TFIP11: variants seen among roughly 807,000 people sequenced by gnomAD.
TFIP11 encodes tuftelin interacting protein 11.
Under a neutral mutation model 96.8 loss-of-function variants are expected in TFIP11, and 86 were observed. The observed-to-expected ratio is 0.89, with a 90% CI of 0.75 to 1.06. The LOEUF (loss-of-function observed/expected upper bound fraction) is 1.06, where lower values mean the gene tolerates loss of function less well. TFIP11 is among the 50% of genes least tolerant of loss of function. TFIP11 has a pLI of 0.00. For missense variants in TFIP11, 881 were observed against 1,076.7 expected (o/e 0.82, Z 2.54); for synonymous variants, 405 against 395.2 (o/e 1.02, Z -0.29).
At chr22:26,496,555 G>A (rs916732755) in intron 11 of TFIP11, among the ~76,000 whole-genome samples, 166 bp downstream of exon 11, 1 of 152,058 alleles carries the variant, frequency 6.6e-6, no homozygotes, top group Non-Finnish European at 1.5e-5. Flanking sequence ...TGGCTTGGGG[G>A]AAAAAGTGCT....
Position 26,498,865 on chromosome 22 carries a change from G to A in TFIP11, c.1436+4C>T, listed in dbSNP as rs773756233. On this transcript the variant is annotated splice_donor_region_variant and intron_variant, in intron 10 of 14. Transcript: ENST00000407690. Reference sequence around the variant, plus strand: ...GGGGTACAGAGCCCTGCTCTGTGGTGTACCTGTGAAAGGCATCTGCTGAGA... The same window carrying A: ...GGGGTACAGAGCCCTGCTCTGTGGTATACCTGTGAAAGGCATCTGCTGAGA... 1.6e-5 allele frequency: 25 copies of A among 1,612,164 alleles called. No individual in the cohort carries two copies. The South Asian group carries it at 2.4e-4, about 16-fold the overall frequency.
intron 12 of TFIP11, among the ~76,000 whole-genome samples, chr22:26,495,851 C>T (rs1921946862): frequency 6.6e-6 from 1 of 152,106 alleles, no homozygotes; most frequent in Admixed American, 6.5e-5. Flanking sequence ...CCGATATTGT[C>T]ACTGTCGACT....
chr22:26,511,528 G>A (rs990899464), intron 2 of TFIP11, among the ~76,000 whole-genome samples: 1 of 152,184 alleles, frequency 6.6e-6, no homozygotes. Context: ...TTAGCAAAGT[G>A]ACTGTAAAAT....
chr22:26,495,150 C>T (rs1921766960), intron 12 of TFIP11, among the ~76,000 whole-genome samples: 1 of 150,964 alleles, frequency 6.6e-6, no homozygotes, highest in Non-Finnish European at 1.5e-5. Flanking sequence ...TTATTAGAGA[C>T]AGCGTTTTGG....
intron 11 of TFIP11, 56 bp downstream of exon 11, chr22:26,496,665 C>T: frequency 1.3e-6 from 2 of 1,586,446 alleles, no homozygotes; most frequent in Non-Finnish European, 1.7e-6. Context: ...AAGCCACAGA[C>T]TGAACAAGTC....
chr22:26,509,927 C>G, intron 4 of TFIP11, 137 bp downstream of exon 4: 1 of 805,568 alleles, frequency 1.2e-6, no homozygotes. Context: ...AACCAGACCT[C>G]TCGAGATGAT....
rs539690477 is a variant in TFIP11 at position 26,506,606 on chromosome 22, A to G, written c.364-147T>C. ...CCAAAAATGTGTGTGATAACGTGTCAGGAAGGAAGAGACTGCACTACACAC... is the reference window on the plus strand; with the variant it reads ...CCAAAAATGTGTGTGATAACGTGTCGGGAAGGAAGAGACTGCACTACACAC... On this transcript the variant is annotated intron_variant, in intron 5 of 14. Transcript: ENST00000407690. The G allele has an allele frequency of 2.3e-6, 3 of 1,286,014 alleles. No homozygotes were observed. The East Asian group carries it at 7.3e-5, about 31-fold the overall frequency. The allele number at this position is 1,286,014 out of a possible 1,614,324, so 79.7% of individuals were successfully genotyped here.
chr22:26,496,270 C>T lies in TFIP11; in HGVS notation c.1652G>A (p.Trp551Ter). The T allele has an allele frequency of 6.2e-7, 1 of 1,612,404 alleles. No individual in the cohort carries two copies. Among genetic ancestry groups the T allele is most frequent in the Non-Finnish European group, 8.5e-7 (1 of 1,178,868 alleles). The change falls in exon 12 of 15, where the codon TGG becomes TAG. Residue 551 changes from tryptophan to a stop codon, truncating the protein, a stop_gained. Transcript: ENST00000407690. LOFTEE classifies it high-confidence loss of function. Reference protein sequence around the residue: ...PLTDTVPIHSWIHPWLPLMQA... With the variant: ...PLTDTVPIHS ...CATAAGGGGCAGCCATGGGTGGATC[C>T]AAGAGTGGATGGGAACAGTGTCTGT... is the stretch of plus-strand genomic sequence containing the variant.
At chr22:26,494,601 G>A in intron 13 of TFIP11, 196 bp downstream of exon 13, 1 of 825,782 alleles carries the variant, frequency 1.2e-6, no homozygotes, top group Admixed American at 2.8e-5. Context: ...AGCAAATAAA[G>A]TGCTTGGAAC....
chr22:26,507,000 A>T, intron 4 of TFIP11, 72 bp from the exon 5 acceptor site: 1 of 1,548,384 alleles, frequency 6.5e-7, no homozygotes, highest in Non-Finnish European at 8.8e-7. Context: ...CTTTTGCAGA[A>T]ACTACGTGCT....
chr22:26,497,036 C>G, intron 10 of TFIP11, 147 bp from the exon 11 acceptor site: 1 of 917,980 alleles, frequency 1.1e-6, no homozygotes, highest in South Asian at 1.7e-5. Context: ...AGTCACCATA[C>G]TGGCCAGACT....
chr22:26,500,929 G>A (rs369761463), intron 8 of TFIP11, among the ~76,000 whole-genome samples: 1 of 147,088 alleles, frequency 6.8e-6, no homozygotes, highest in African/African-American at 2.5e-5. Flanking sequence ...TGTCCCCCAG[G>A]CTGGAGTGCA....
rs1319188299 is a variant in TFIP11 at position 26,506,454 on chromosome 22, G to A, written c.369C>T (p.Gly123=). ...DFGPRKLKTG[G]NFKPSQKGFA... The stretch of plus-strand genomic sequence containing the variant: ...AACCTTTCTGGCTGGGCTTAAAATT[G>A]CCACCCTGCAAAAAAGAAAAATCAA... The change falls in exon 6 of 15, where the codon GGC becomes GGT. Residue 123 remains glycine (G), a synonymous_variant. Transcript: ENST00000407690. 6.3e-7 allele frequency: 1 copy of A among 1,594,510 alleles called. No individual in the cohort carries two copies. Among genetic ancestry groups the A allele is most frequent in the Admixed American group, 1.9e-5 (1 of 53,334 alleles).
In TFIP11 at chr22:26,507,210, A is replaced by G. The variant is rs534251567; in HGVS notation, c.210-282T>C. 2.0e-5 allele frequency among the ~76,000 whole-genome samples: 3 copies of G among 152,364 alleles called. No individual in the cohort carries two copies. In the East Asian group the frequency reaches 5.8e-4, roughly 29 times the overall value. On this transcript the variant is annotated intron_variant, in intron 4 of 14. Coordinates refer to ENST00000407690, the MANE Select transcript of TFIP11 (RefSeq NM_012143.4). ...CAAATTCAAAATATGATGTGATAAT[A>G]CAATTTTCCTACATTTTAAAAAATT... is the stretch of plus-strand genomic sequence containing the variant.
Position 26,494,227 on chromosome 22 carries a change from G to A in TFIP11, c.2070C>T (p.Phe690=). 6.2e-7 allele frequency: 1 copy of A among 1,614,220 alleles called. No homozygotes were observed. Among genetic ancestry groups the A allele is most frequent in the Non-Finnish European group, 8.5e-7 (1 of 1,180,046 alleles). Residue 690 remains phenylalanine (F), a synonymous_variant, in exon 14 of 15, where the codon TTC becomes TTT. Transcript: ENST00000407690. ...ATGGATGTGCCAGCACTTGGTCTGA[G>A]AACATCGACTTCCAACCCAGGTACC... ...TKWYLGWKSM[F]SDQVLAHPSV...
At chr22:26,501,400 A>C (rs1254558349) in intron 8 of TFIP11, among the ~76,000 whole-genome samples, 1 of 152,144 alleles carries the variant, frequency 6.6e-6, no homozygotes, top group African/African-American at 2.4e-5. Flanking sequence ...ATCCTTAAAA[A>C]ATGTCTGAAA....
At chr22:26,507,781 A>T (rs189145756) in intron 4 of TFIP11, among the ~76,000 whole-genome samples, 11 of 152,308 alleles carry the variant, frequency 7.2e-5, no homozygotes, top group African/African-American at 2.6e-4. Flanking sequence ...GTATAAAATA[A>T]AATTGATATA....
chr22:26,509,544 C>A (rs918072171), intron 4 of TFIP11, among the ~76,000 whole-genome samples: 3 of 152,136 alleles, frequency 2.0e-5, no homozygotes, highest in African/African-American at 7.2e-5. Flanking sequence ...ATAGCAATCG[C>A]TCAATAAACA....
Position 26,491,476 on chromosome 22 carries a change from T to C in TFIP11, c.*537A>G, listed in dbSNP as rs199686104. 1 of 1,613,034 alleles carries C rather than the reference T, an allele frequency of 6.2e-7. No individual in the cohort carries two copies. Among genetic ancestry groups the C allele is most frequent in the Non-Finnish European group, 8.5e-7 (1 of 1,179,800 alleles). The stretch of plus-strand genomic sequence containing the variant: ...TTTTCTGCTCAGATTTTAAAAGGAC[T>C]GGAGGAGCTTGAGTTTCCTCAGACT... On this transcript the variant is annotated 3_prime_UTR_variant, in exon 15 of 15. Transcript: ENST00000407690.
Sources: allele counts gnomAD v4.1 joint callset (sites outside exome capture counted in the v4.1 genomes callset), GRCh38; gene constraint gnomAD v4.1.1; transcripts MANE v1.5; gene names NCBI Gene and HGNC (gene_info 2026-07-23, HGNC 2026-07-21).